PDSS2: variants seen among roughly 807,000 people sequenced by gnomAD.
PDSS2 encodes all trans-polyprenyl-diphosphate synthase PDSS2.
A neutral mutation model predicts 44.5 loss-of-function variants in PDSS2; 31 were observed. The observed-to-expected ratio is 0.70, with a 90% CI of 0.52 to 0.94. PDSS2 has a LOEUF of 0.94. PDSS2 is among the 40% of genes least tolerant of loss of function. The pLI is 0.00. For missense variants in PDSS2, 452 were observed against 482.2 expected (o/e 0.94, Z 0.59); for synonymous variants, 157 against 180.3 (o/e 0.87, Z 1.03).
rs138511547 is a variant in PDSS2 at position 107,236,929 on chromosome 6, T to C, written c.702+8619A>G. Among the ~76,000 whole-genome samples the C allele has an allele frequency of 5.9e-5, 9 of 152,092 alleles. No homozygotes were observed. The East Asian group carries it at 1.7e-3, about 29-fold the overall frequency. On this transcript the variant is annotated intron_variant, in intron 4 of 7. Transcript: ENST00000369037. ...TAGAAGACAGTCCTTAACTTCCTAG[T>C]GGACTGAATTATCTTTTTTTTTTTT...
intron 2 of PDSS2, among the ~76,000 whole-genome samples, chr6:107,281,032 G>C (rs1388941832): frequency 1.3e-5 from 2 of 152,144 alleles, no homozygotes; most frequent in Non-Finnish European, 2.9e-5. Flanking sequence ...ACCAGGTGGG[G>C]TTTCTGAGAA....
chr6:107,370,091 C>A (rs552584632), intron 1 of PDSS2, among the ~76,000 whole-genome samples: 2 of 151,778 alleles, frequency 1.3e-5, no homozygotes, highest in East Asian at 3.9e-4. Context: ...CAGCCTTGAA[C>A]TTCTGAGTTG....
chr6:107,159,325 GA>G (rs1554246284), intron 7 of PDSS2, among the ~76,000 whole-genome samples: 1 of 127,228 alleles, frequency 7.9e-6, no homozygotes, highest in East Asian at 2.8e-4. Flanking sequence ...GGGAGGGAGG[GA>G]AGGAGGAAGG....
At chr6:107,365,468 G>A (rs1002500166) in intron 1 of PDSS2, among the ~76,000 whole-genome samples, 4 of 152,008 alleles carry the variant, frequency 2.6e-5, no homozygotes, top group African/African-American at 9.7e-5. Flanking sequence ...AAAATAACAT[G>A]AGAAAAAATA....
At chr6:107,373,273 C>G (rs1482156042) in intron 1 of PDSS2, among the ~76,000 whole-genome samples, 1 of 152,214 alleles carries the variant, frequency 6.6e-6, no homozygotes, top group Non-Finnish European at 1.5e-5. Context: ...GCGTGAGCCA[C>G]TGCACCCGGT....
At chr6:107,217,859 A>T (rs1773464489) in intron 4 of PDSS2, among the ~76,000 whole-genome samples, 1 of 152,226 alleles carries the variant, frequency 6.6e-6, no homozygotes, top group Non-Finnish European at 1.5e-5. Context: ...TAGAATATGT[A>T]ACATTGCTCC....
chr6:107,293,500 C>T (rs1285646157), intron 2 of PDSS2, among the ~76,000 whole-genome samples: 1 of 152,166 alleles, frequency 6.6e-6, no homozygotes, highest in African/African-American at 2.4e-5. Flanking sequence ...ATGCTTTCTG[C>T]CGCGGTACGG....
At chr6:107,410,644 C>T (rs1197621458) in intron 1 of PDSS2, among the ~76,000 whole-genome samples, 1 of 151,386 alleles carries the variant, frequency 6.6e-6, no homozygotes. Context: ...CGTGCCACCA[C>T]GTCCATCTAA....
At chr6:107,347,630 G>T (rs1582972720) in intron 1 of PDSS2, among the ~76,000 whole-genome samples, 2 of 152,194 alleles carry the variant, frequency 1.3e-5, no homozygotes, top group South Asian at 4.1e-4. Flanking sequence ...GAACACCATG[G>T]GTTCTTTCCT....
chr6:107,333,692 C>T (rs1220136872), intron 2 of PDSS2, among the ~76,000 whole-genome samples: 1 of 152,108 alleles, frequency 6.6e-6, no homozygotes, highest in Admixed American at 6.5e-5. Context: ...CATACCACCA[C>T]AACTAGCTAA....
intron 1 of PDSS2, among the ~76,000 whole-genome samples, chr6:107,338,827 C>A (rs1402026000): frequency 1.3e-5 from 2 of 151,992 alleles, no homozygotes; most frequent in Non-Finnish European, 2.9e-5. Context: ...TGGAGGGGCA[C>A]AGGAGAGTTG....
In PDSS2 at chr6:107,190,275, A is replaced by G. The variant is rs145798522; in HGVS notation, c.1041+3547T>C. Reference sequence around the variant, plus strand: ...CCTGCTGATATCCTCAAACTGTGTCAAACGCTTTCCTTTCCTCTCTGCCTT... The same window carrying G: ...CCTGCTGATATCCTCAAACTGTGTCGAACGCTTTCCTTTCCTCTCTGCCTT... On this transcript the variant is annotated intron_variant, in intron 7 of 7. Coordinates refer to ENST00000369037, the MANE Select transcript of PDSS2 (RefSeq NM_020381.4). Among the ~76,000 whole-genome samples the G allele has an allele frequency of 4.4e-3, 669 of 152,272 alleles. 5 individuals are homozygous for G. Among genetic ancestry groups the G allele is most frequent in the African/African-American group, 0.015 (637 of 41,542 alleles).
intron 3 of PDSS2, among the ~76,000 whole-genome samples, chr6:107,265,529 C>G (rs1383662890): frequency 1.3e-5 from 2 of 152,150 alleles, no homozygotes; most frequent in Non-Finnish European, 2.9e-5. Flanking sequence ...TTGCCTGTTT[C>G]CTCTTGCTGT....
At chr6:107,272,014 G>A (rs1465637903) in intron 3 of PDSS2, among the ~76,000 whole-genome samples, 2 of 150,396 alleles carry the variant, frequency 1.3e-5, no homozygotes, top group Admixed American at 6.7e-5. Flanking sequence ...CAGTGATCAC[G>A]CCACTGCACT....
chr6:107,208,312 T>G (rs1413521052), intron 6 of PDSS2, among the ~76,000 whole-genome samples: 1 of 119,098 alleles, frequency 8.4e-6, no homozygotes, highest in Non-Finnish European at 1.8e-5. Flanking sequence ...TTTTTTTTTT[T>G]TTTAAAGACA....
At chr6:107,425,900 G>A (rs1173636537) in intron 1 of PDSS2, among the ~76,000 whole-genome samples, 1 of 151,778 alleles carries the variant, frequency 6.6e-6, no homozygotes, top group African/African-American at 2.4e-5. Flanking sequence ...GGTGGAGCTT[G>A]CAGTGAGCCG....
At chr6:107,209,710 G>A (rs554494169) in intron 6 of PDSS2, among the ~76,000 whole-genome samples, 33 of 151,900 alleles carry the variant, frequency 2.2e-4, no homozygotes, top group African/African-American at 7.2e-4. Flanking sequence ...GAGCCACTGC[G>A]CCCACCCATG....
At chr6:107,279,316 C>G (rs1775888026) in intron 2 of PDSS2, among the ~76,000 whole-genome samples, 1 of 152,200 alleles carries the variant, frequency 6.6e-6, no homozygotes, top group African/African-American at 2.4e-5. Context: ...GTTACCATCA[C>G]TGATATATGC....
At chr6:107,435,992 GGAA>G (rs929641339) in intron 1 of PDSS2, among the ~76,000 whole-genome samples, 2 of 152,082 alleles carry the variant, frequency 1.3e-5, no homozygotes, top group African/African-American at 4.8e-5. Flanking sequence ...GTGAGTCACA[GGAA>G]GAAAAGCAAA....
Sources: allele counts gnomAD v4.1 joint callset (sites outside exome capture counted in the v4.1 genomes callset), GRCh38; gene constraint gnomAD v4.1.1; transcripts MANE v1.5; gene names NCBI Gene and HGNC (gene_info 2026-07-23, HGNC 2026-07-21).